IRAK1: variants seen among roughly 807,000 people sequenced by gnomAD.
The protein encoded by IRAK1 is interleukin-1 receptor-associated kinase 1.
IRAK1 carries 9 observed loss-of-function variants against 49.8 expected under a neutral mutation model. The observed-to-expected ratio is 0.18, with a 90% CI of 0.11 to 0.32. IRAK1 has a LOEUF of 0.32. IRAK1 is among the 10% of genes least tolerant of loss of function. The pLI, the probability that IRAK1 is intolerant of heterozygous loss-of-function variation, is 1.00. For synonymous variants in IRAK1, 282 were observed against 270.8 expected, an observed-to-expected ratio of 1.04 and a Z score of -0.41; for missense variants, 418 against 600.5, an observed-to-expected ratio of 0.70 and a Z score of 3.18.
In IRAK1 at chrX:154,019,593, G is replaced by A. The variant is rs2148643749; in HGVS notation, c.142C>T (p.Leu48=). 2 of 1,038,171 alleles carry A rather than the reference G, an allele frequency of 1.9e-6. No individual in the cohort carries two copies. The highest frequency in any genetic ancestry group is 2.9e-5 in the South Asian group (1 of 34,317). The allele number at this position is 1,038,171 out of a possible 1,213,427, so 85.6% of individuals were successfully genotyped here. The change falls in exon 2 of 14, where the codon CTG becomes TTG. Residue 48 remains leucine (L), a synonymous_variant. Transcript: ENST00000369980. ...AGCTCGGTCTGGTCGCGCACGATCA[G>A]GGCGGCTGCGGGGCGGGGGGCGTCA... ...EPADWCQFAA[L]IVRDQTELRL...
rs2065767502 is a variant in IRAK1 at position 154,019,613 on chromosome X, G to A, written c.137-15C>T. ...GATCAGGGCGGCTGCGGGGCGGGGGGCGTCAGGCGTCGGCGCCAGGAGCCC... is the reference window on the plus strand; with the variant it reads ...GATCAGGGCGGCTGCGGGGCGGGGGACGTCAGGCGTCGGCGCCAGGAGCCC... On this transcript the variant is annotated splice_polypyrimidine_tract_variant and intron_variant, in intron 1 of 13. Transcript: ENST00000369980. 1.0e-6 allele frequency: 1 copy of A among 987,694 alleles called. No individual in the cohort carries two copies. Among genetic ancestry groups the A allele is most frequent in the Non-Finnish European group, 1.3e-6 (1 of 787,288 alleles). 81.4% of individuals were successfully genotyped at this position (987,694 alleles called of 1,213,427 possible).
rs782722759 is a variant in IRAK1 at position 154,012,606 on chromosome X, T to C, written c.2003A>G (p.Lys668Arg). ...GTACAGGGCCAGCTTCTGGACCATC[T>C]TCTGTCGGGCAGGGTTGATGATAAT... is the stretch of plus-strand genomic sequence containing the variant. ...PQIIINPARQ[K>R]MVQKLALYED... Residue 668 changes from lysine (K) to arginine (R), a missense_variant, in exon 13 of 14, where the codon AAG becomes AGG. Lys to Arg is a conservative substitution (Grantham distance 26). Transcript: ENST00000369980. 10 of 1,210,591 alleles carry C rather than the reference T, an allele frequency of 8.3e-6. No homozygotes were observed. The highest frequency in any genetic ancestry group is 2.2e-5 in the Admixed American group (1 of 45,974).
chrX:154,013,345 T>C lies in IRAK1; in HGVS notation c.1628A>G (p.Gln543Arg). 1 of 1,205,287 alleles carries C rather than the reference T, an allele frequency of 8.3e-7. No homozygotes were observed. Among genetic ancestry groups the C allele is most frequent in the Non-Finnish European group, 1.1e-6 (1 of 892,924 alleles). Residue 543 changes from glutamine (Q) to arginine (R), a missense_variant, in exon 12 of 14, where the codon CAG (glutamine) becomes CGG (arginine). Physicochemically the swap from Gln to Arg is conservative, Grantham distance 43. Coordinates refer to ENST00000369980, the MANE Select transcript of IRAK1 (RefSeq NM_001569.4). ...EAASCIPPSPQENSYVSSTGR... is the reference protein window; with the variant it reads ...EAASCIPPSPRENSYVSSTGR... ...AGTGCTGGACACGTAGGAGTTCTCC[T>C]GCGGGGAAGGGGGGATGCAGCTGGC...
rs782108950 is a variant in IRAK1, at chrX:154,016,693, T to C, written c.1029-49A>G. On this transcript the variant is annotated intron_variant, in intron 8 of 13. Coordinates refer to ENST00000369980, the MANE Select transcript of IRAK1 (RefSeq NM_001569.4). Reference sequence around the variant, plus strand: ...TCAGCCCGGTCCTAGCTCCTACACCTGCCCGGCTTAGATAAGGCTGGACTC... The same window carrying C: ...TCAGCCCGGTCCTAGCTCCTACACCCGCCCGGCTTAGATAAGGCTGGACTC... 9 of 1,059,162 alleles carry C rather than the reference T, an allele frequency of 8.5e-6. No individual in the cohort carries two copies. The Admixed American group carries it at 1.6e-4, about 19-fold the overall frequency. The allele number at this position is 1,059,162 out of a possible 1,213,427, so 87.3% of individuals were successfully genotyped here.
Position 154,019,677 on chromosome X carries a change from C to T in IRAK1, c.136G>A (p.Ala46Thr). 1 of 975,834 alleles carries T rather than the reference C, an allele frequency of 1.0e-6. No homozygotes were observed. The highest frequency in any genetic ancestry group is 1.3e-6 in the Non-Finnish European group (1 of 778,379). 80.4% of individuals were successfully genotyped at this position (975,834 alleles called of 1,213,427 possible). The change falls in exon 1 of 14, where the codon GCC becomes ACC. Residue 46 changes from alanine (A) to threonine (T), a missense_variant and splice_region_variant. This residue lies in a region of IRAK1 where 21 missense variants were observed against 84.9 expected (regional missense o/e 0.25). Transcript: ENST00000369980. Reference sequence around the variant, plus strand: ...CCCCCGGCAGCCCGCCGCCACCCACCGAACTGGCACCAGTCGGCGGGCTCC... The same window carrying T: ...CCCCCGGCAGCCCGCCGCCACCCACTGAACTGGCACCAGTCGGCGGGCTCC... ...ALEPADWCQF[A>T]ALIVRDQTEL...
At chrX:154,015,782 G>C (rs1456338441) in intron 10 of IRAK1, among the ~76,000 whole-genome samples, 1 of 112,531 alleles carries the variant, frequency 8.9e-6, no homozygotes, top group Non-Finnish European at 1.9e-5. Flanking sequence ...AGTGCCCTGG[G>C]ACCGCCCTTC....
chrX:154,016,861 A>G, intron 8 of IRAK1, 88 bp downstream of exon 8: 1 of 728,509 alleles, frequency 1.4e-6, no homozygotes, highest in Non-Finnish European at 2.2e-6. Flanking sequence ...TTGAGGTCCC[A>G]GGCCATGCCT....
At chrX:154,016,713 G>C (rs1392886622) in intron 8 of IRAK1, 69 bp from the exon 9 acceptor site, 61 of 954,162 alleles carry the variant, frequency 6.4e-5, no homozygotes, top group Non-Finnish European at 7.9e-5. Flanking sequence ...AGATAAGGCT[G>C]GACTCGAGGC....
intron 7 of IRAK1, 31 bp from the exon 8 acceptor site, chrX:154,017,098 G>A (rs2065744769): frequency 5.3e-6 from 5 of 948,097 alleles, no homozygotes; most frequent in Non-Finnish European, 7.6e-6. Context: ...AGGGGAGGTT[G>A]CTGGATGGCC....
chrX:154,018,176 C>T, intron 6 of IRAK1, 56 bp from the exon 7 acceptor site: 1 of 1,102,795 alleles, frequency 9.1e-7, no homozygotes. Flanking sequence ...GCAGCCCTGG[C>T]TGGGGCCTCA....
rs1557129449 is a variant in IRAK1, at chrX:154,016,974, TG to T, written c.1002del (p.Ser335AlafsTer18). 8.3e-7 allele frequency: 1 copy of T among 1,204,400 alleles called. No individual in the cohort carries two copies. ...CTCTTGATGTCTCCATGGATGAGGC[TG>T]GGGCTGTCCTGATGTAGAAACTGAA... ...RAIQFLHQDS[P>X]SLIHGDIKSS... On this transcript the variant is annotated frameshift_variant, in exon 8 of 14. Transcript: ENST00000369980. LOFTEE classifies it high-confidence loss of function.
Position 154,013,285 on chromosome X carries a change from G to A in IRAK1, c.1688C>T (p.Pro563Leu), listed in dbSNP as rs782510148. 1.7e-6 allele frequency: 2 copies of A among 1,210,243 alleles called. No individual in the cohort carries two copies. The highest frequency in any genetic ancestry group is 1.8e-5 in the South Asian group (1 of 56,956). The change falls in exon 12 of 14, where the codon CCC (proline) becomes CTC (leucine). Residue 563 changes from proline to leucine, a missense_variant. Pro to Leu is a moderately conservative substitution (Grantham distance 98). Around this residue, in one of 3 missense-constraint regions of IRAK1, gnomAD observed 377 missense variants for 499.5 expected, o/e 0.75. Transcript: ENST00000369980. ...ACTGGCTCCTGATGGCGCTGCCAGG[G>A]GCTGCCATGGAGCAGCCCCACTGTG... ...RAHSGAAPWQ[P>L]LAAPSGASAQ...
In IRAK1 at chrX:154,016,689, C is replaced by T. The variant is rs192495328; in HGVS notation, c.1029-45G>A. 215 of 1,069,742 alleles carry T rather than the reference C, an allele frequency of 2.0e-4. 1 individual carries two copies. The African/African-American group carries it at 3.6e-3, about 18-fold the overall frequency. 88.2% of individuals were successfully genotyped at this position (1,069,742 alleles called of 1,213,427 possible). On this transcript the variant is annotated intron_variant, in intron 8 of 13. Coordinates refer to ENST00000369980, the MANE Select transcript of IRAK1 (RefSeq NM_001569.4). ...GGCGTCAGCCCGGTCCTAGCTCCTA[C>T]ACCTGCCCGGCTTAGATAAGGCTGG...
At chrX:154,013,853 C>T (rs1433585172) in intron 11 of IRAK1, among the ~76,000 whole-genome samples, 189 bp downstream of exon 11, 1 of 112,196 alleles carries the variant, frequency 8.9e-6, no homozygotes, top group African/African-American at 3.2e-5. Context: ...AGCTGGGCTC[C>T]GCAAAGCAGG....
At chrX:154,018,397 C>A in intron 5 of IRAK1, 42 bp from the exon 6 acceptor site, 3 of 1,084,015 alleles carry the variant, frequency 2.8e-6, no homozygotes, top group African/African-American at 3.7e-5. Flanking sequence ...GCAGGGAAGA[C>A]GGGCAGCGTG....
rs782139311 is a variant in IRAK1, at chrX:154,018,642, G to A, written c.686C>T (p.Ala229Val). The A allele has an allele frequency of 5.8e-6, 7 of 1,209,807 alleles. No individual in the cohort carries two copies. Among genetic ancestry groups the A allele is most frequent in the African/African-American group, 1.7e-5 (1 of 57,669 alleles). The change falls in exon 5 of 14, where the codon GCG (alanine) becomes GTG (valine). Residue 229 changes from alanine to valine, a missense_variant. Ala to Val is a moderately conservative substitution (Grantham distance 64). Coordinates refer to ENST00000369980, the MANE Select transcript of IRAK1 (RefSeq NM_001569.4). ...AGCATACACCGTGTTCCTCATCACC[G>A]CCCGGTACACGCACCCAAAGCCACC... Reference protein sequence around the residue: ...GEGGFGCVYRAVMRNTVYAVK... With the variant: ...GEGGFGCVYRVVMRNTVYAVK...
chrX:154,016,024 G>A lies in IRAK1; in HGVS notation c.1302+8C>T. On this transcript the variant is annotated splice_region_variant and intron_variant, in intron 10 of 13. Coordinates refer to ENST00000369980, the MANE Select transcript of IRAK1 (RefSeq NM_001569.4). ...GTGTCCCTCCTGGCCCTGCCTCAAG[G>A]GGCTCACCAGATACTTGGTCCTGGC... The A allele has an allele frequency of 8.3e-7, 1 of 1,205,451 alleles. No individual in the cohort carries two copies. The highest frequency in any genetic ancestry group is 1.8e-5 in the South Asian group (1 of 56,868).
intron 9 of IRAK1, 23 bp from the exon 10 acceptor site, chrX:154,016,120 G>A (rs1557129097): frequency 8.6e-7 from 1 of 1,168,734 alleles, no homozygotes; most frequent in African/African-American, 1.8e-5. Context: ...AAGAGGGAGA[G>A]CATGGCAGTG....
Position 154,019,438 on chromosome X carries a change from G to A in IRAK1, c.297C>T (p.Ile99=). The A allele has an allele frequency of 1.8e-6, 2 of 1,124,980 alleles. No homozygotes were observed. The highest frequency in any genetic ancestry group is 1.2e-6 in the Non-Finnish European group (1 of 838,619). The allele number at this position is 1,124,980 out of a possible 1,213,427, so 92.7% of individuals were successfully genotyped here. ...CCGGAGTCCCGCGCTCACAGGCTGT[G>A]ATGATGTCCCGCGCACGGAGCAGCT... ...HLQLLRARDI[I]TAWHPPAPLP... is the part of the protein sequence containing the mutation. The change falls in exon 2 of 14, where the codon ATC becomes ATT. Residue 99 remains isoleucine (I), a synonymous_variant. Transcript: ENST00000369980.
Sources: gnomAD v4.1 joint callset for allele counts (sites outside exome capture counted in the v4.1 genomes callset) on GRCh38, gnomAD v4.1.1 for gene constraint, gnomAD v4.1.1 regional missense constraint, MANE v1.5 for transcripts, NCBI Gene and HGNC (gene_info 2026-07-23, HGNC 2026-07-21) for gene names.